ARHGAP18: variants seen among roughly 807,000 people sequenced by gnomAD.
ARHGAP18 encodes rho GTPase-activating protein 18.
ARHGAP18 carries 67 observed loss-of-function variants against 86.2 expected under a neutral mutation model. That is an observed-to-expected ratio of 0.78 (90% CI 0.64 to 0.95). ARHGAP18 has a LOEUF of 0.95. ARHGAP18 is among the 40% of genes least tolerant of loss of function. The pLI is 0.00. For synonymous variants in ARHGAP18, 283 were observed against 280.4 expected, an observed-to-expected ratio of 1.01 and a Z score of -0.09; for missense variants, 691 against 780.4, an observed-to-expected ratio of 0.89 and a Z score of 1.37.
At chr6:129,644,151 A>C (rs1395416415) in intron 1 of ARHGAP18, among the ~76,000 whole-genome samples, 1 of 152,134 alleles carries the variant, frequency 6.6e-6, no homozygotes. Context: ...ATGTTTGTGA[A>C]TCTCTTTCCT....
intron 12 of ARHGAP18, among the ~76,000 whole-genome samples, chr6:129,594,858 A>G (rs1280369396): frequency 6.6e-6 from 1 of 152,184 alleles, no homozygotes; most frequent in South Asian, 2.1e-4. Flanking sequence ...CATATAAAAC[A>G]TATTTTATAA....
intron 1 of ARHGAP18, among the ~76,000 whole-genome samples, chr6:129,696,749 A>T (rs1029548691): frequency 6.6e-6 from 1 of 152,230 alleles, no homozygotes; most frequent in Non-Finnish European, 1.5e-5. Flanking sequence ...ACGCATTTAT[A>T]TACAGATGGA....
intron 1 of ARHGAP18, among the ~76,000 whole-genome samples, chr6:129,645,830 G>A (rs1318137618): frequency 1.3e-5 from 2 of 152,090 alleles, no homozygotes; most frequent in Non-Finnish European, 2.9e-5. Flanking sequence ...GGCCTTCCTG[G>A]AATCTTCTTT....
intron 12 of ARHGAP18, among the ~76,000 whole-genome samples, chr6:129,593,154 T>A (rs977289088): frequency 2.0e-5 from 3 of 152,124 alleles, no homozygotes; most frequent in African/African-American, 7.2e-5. Flanking sequence ...GTTTGCTTTT[T>A]GTTTTGTTCT....
At chr6:129,608,167 G>T in intron 8 of ARHGAP18, 115 bp from the exon 9 acceptor site, 7 of 1,167,672 alleles carry the variant, frequency 6.0e-6, no homozygotes, top group Non-Finnish European at 7.8e-6. Context: ...CTTTAGACAA[G>T]ACAAATCAGA....
rs149890287 is a variant in ARHGAP18 at position 129,645,457 on chromosome 6, T to A, written c.114-3439A>T. 2.4e-4 allele frequency among the ~76,000 whole-genome samples: 36 copies of A among 152,294 alleles called. No individual in the cohort carries two copies. The East Asian group carries it at 6.7e-3, about 29-fold the overall frequency. ...TTTCCAAAAGATCCAAGTTGACACA[T>A]GGTGTTGAAATCAAAGAAACACACA... On this transcript the variant is annotated intron_variant, in intron 1 of 14. Coordinates refer to ENST00000368149, the MANE Select transcript of ARHGAP18 (RefSeq NM_033515.3).
chr6:129,612,979 A>G (rs1273666117), intron 7 of ARHGAP18, among the ~76,000 whole-genome samples: 1 of 152,114 alleles, frequency 6.6e-6, no homozygotes, highest in South Asian at 2.1e-4. Flanking sequence ...CACCCCTGTA[A>G]TCCCAGCACT....
chr6:129,708,558 T>C (rs1392255045), intron 1 of ARHGAP18, among the ~76,000 whole-genome samples: 1 of 152,130 alleles, frequency 6.6e-6, no homozygotes, highest in African/African-American at 2.4e-5. Flanking sequence ...GGGGTTTGAG[T>C]CCTACGTGAA....
At chr6:129,580,190 C>T in intron 13 of ARHGAP18, 59 bp from the exon 14 acceptor site, 1 of 1,429,738 alleles carries the variant, frequency 7.0e-7, no homozygotes, top group Non-Finnish European at 9.8e-7. Flanking sequence ...AAGTAAATCA[C>T]TTTAACGTGC....
chr6:129,590,140 C>A (rs1201400810), intron 12 of ARHGAP18, among the ~76,000 whole-genome samples: 1 of 152,206 alleles, frequency 6.6e-6, no homozygotes, highest in Admixed American at 6.5e-5. Context: ...TATTAATCTT[C>A]TTTGGCAACA....
chr6:129,700,392 A>T (rs950193738), intron 1 of ARHGAP18, among the ~76,000 whole-genome samples: 2 of 152,220 alleles, frequency 1.3e-5, no homozygotes, highest in Non-Finnish European at 2.9e-5. Flanking sequence ...AAGGTATTCA[A>T]AACAGTCACC....
Position 129,618,806 on chromosome 6 carries a change from T to G in ARHGAP18, c.833A>C (p.Asp278Ala), listed in dbSNP as rs1354769866. The G allele has an allele frequency of 1.9e-6, 3 of 1,613,252 alleles. No homozygotes were observed. In the African/African-American group the frequency reaches 4.0e-5, roughly 22 times the overall value. Residue 278 changes from aspartate to alanine, a missense_variant, in exon 6 of 15, where the codon GAC (aspartate) becomes GCC (alanine). Transcript: ENST00000368149. ...KDKTGTTRIG[D>A]LAPQDMKKVC... Reference sequence around the variant, plus strand: ...TTTCTTCATGTCCTGGGGTGCGAGGTCACCAATCCTTGTGGTACCCGTTTT... The same window carrying G: ...TTTCTTCATGTCCTGGGGTGCGAGGGCACCAATCCTTGTGGTACCCGTTTT...
At chr6:129,649,079 C>CGT (rs1366418597) in intron 1 of ARHGAP18, among the ~76,000 whole-genome samples, 2 of 152,206 alleles carry the variant, frequency 1.3e-5, no homozygotes, top group Non-Finnish European at 2.9e-5. Context: ...CACACACACC[C>CGT]ATGCAACCAT....
rs1422422989 is a variant in ARHGAP18 at position 129,625,318 on chromosome 6, TATATATG to T, written c.786+4028_786+4034del. On this transcript the variant is annotated intron_variant, in intron 5 of 14. Transcript: ENST00000368149. ...ATATATGATATATATTTATATGTAA[TATATATG>T]ATATATGATATATATTTATATGTAA... 7.2e-3 allele frequency among the ~76,000 whole-genome samples: 364 copies of T among 50,560 alleles called. 14 individuals are homozygous for T. Among genetic ancestry groups the T allele is most frequent in the African/African-American group, 0.022 (307 of 14,244 alleles). The allele number at this position is 50,560 out of a possible 152,430, so 33.2% of individuals were successfully genotyped here. A position where few individuals can be genotyped will look rare whatever the true frequency, so the allele number is the denominator to read the frequency against.
chr6:129,640,571 T>G (rs1305692457), intron 2 of ARHGAP18, among the ~76,000 whole-genome samples: 1 of 152,190 alleles, frequency 6.6e-6, no homozygotes, highest in Non-Finnish European at 1.5e-5. Context: ...AACCGTAGTG[T>G]TTTTAGATCT....
chr6:129,704,429 A>C (rs1774771309), intron 1 of ARHGAP18, among the ~76,000 whole-genome samples: 1 of 152,110 alleles, frequency 6.6e-6, no homozygotes. Flanking sequence ...TGGGTGACAC[A>C]GCGAGACTCA....
intron 1 of ARHGAP18, among the ~76,000 whole-genome samples, chr6:129,666,037 GA>G (rs1032081354): frequency 6.6e-6 from 1 of 151,784 alleles, no homozygotes; most frequent in Admixed American, 6.6e-5. Context: ...AATTAAAATA[GA>G]AAAAAATTAA....
At position 129,576,596 on chromosome 6, in the gene ARHGAP18, G is replaced by C. The variant is rs1184411970; in HGVS notation, c.*1917C>G. 2.0e-5 allele frequency: 3 copies of C among 152,090 alleles called. No homozygotes were observed. Among genetic ancestry groups the C allele is most frequent in the Admixed American group, 2.0e-4 (3 of 15,270 alleles). 9.4% of individuals were successfully genotyped at this position (152,090 alleles called of 1,614,324 possible). A position where few individuals can be genotyped will look rare whatever the true frequency, so the allele number is the denominator to read the frequency against. On this transcript the variant is annotated 3_prime_UTR_variant, in exon 15 of 15. Transcript: ENST00000368149. ...GGCATTTTCACTTTTTTAAAATTAA[G>C]ATACTTTTTCATGATCAAAAATATG...
chr6:129,706,156 A>G (rs780661209), intron 1 of ARHGAP18, among the ~76,000 whole-genome samples: 2 of 152,258 alleles, frequency 1.3e-5, no homozygotes, highest in Non-Finnish European at 2.9e-5. Flanking sequence ...GCAAACAACC[A>G]TTTCTCTTAA....
Sources: gnomAD v4.1 joint callset for allele counts (sites outside exome capture counted in the v4.1 genomes callset) on GRCh38, gnomAD v4.1.1 for gene constraint, MANE v1.5 for transcripts, NCBI Gene and HGNC (gene_info 2026-07-23, HGNC 2026-07-21) for gene names.